Variants in SLC29A3 observed in about 807,000 individuals in gnomAD.
SLC29A3 encodes equilibrative nucleoside transporter 3.
Under a neutral mutation model 25.4 loss-of-function variants are expected in SLC29A3, and 18 were observed. The ratio of observed to expected loss-of-function variants is 0.71; its 90% confidence interval spans 0.49 to 1.05. The LOEUF (loss-of-function observed/expected upper bound fraction) is 1.05, where lower values mean the gene tolerates loss of function less well. SLC29A3 is among the 50% of genes least tolerant of loss of function. The pLI is 0.00. For synonymous variants in SLC29A3, 258 were observed against 267.1 expected, an observed-to-expected ratio of 0.97 and a Z score of 0.33; for missense variants, 586 against 609.0, an observed-to-expected ratio of 0.96 and a Z score of 0.40.
intron 3 of SLC29A3, 92 bp downstream of exon 3, chr10:71,344,383 C>A: frequency 1.0e-6 from 1 of 983,390 alleles, no homozygotes; most frequent in Non-Finnish European, 1.6e-6. Context: ...TTTCTGCCTA[C>A]TTAAGTGGTG....
chr10:71,334,835 A>G (rs1846203852), intron 2 of SLC29A3, among the ~76,000 whole-genome samples: 1 of 151,938 alleles, frequency 6.6e-6, no homozygotes, highest in South Asian at 2.1e-4. Context: ...CTCAGGGCCA[A>G]CCGTACGCTG....
rs753440225 is a variant in SLC29A3, at chr10:71,344,232, C to T, written c.324C>T (p.Ala108=). ...AGAACTACTTTGAGAGCTACCTTGC[C>T]GTTGCCTCCACCGTGCCCTCCATGC... ...DILNYFESYL[A]VASTVPSMLC... is the part of the protein sequence containing the mutation. The change falls in exon 3 of 6, where the codon GCC becomes GCT. Residue 108 remains alanine, a synonymous_variant. Transcript: ENST00000373189. 19 of 1,614,006 alleles carry T rather than the reference C, an allele frequency of 1.2e-5. No individual in the cohort carries two copies. The East Asian group carries it at 1.6e-4, about 13-fold the overall frequency.
intron 3 of SLC29A3, 93 bp downstream of exon 3, chr10:71,344,384 T>C (rs1256175791): frequency 5.1e-6 from 5 of 972,308 alleles, no homozygotes; most frequent in African/African-American, 4.8e-5. Flanking sequence ...TTCTGCCTAC[T>C]TAAGTGGTGG....
intron 5 of SLC29A3, 79 bp from the exon 6 acceptor site, chr10:71,361,875 T>C: frequency 6.4e-7 from 1 of 1,565,318 alleles, no homozygotes; most frequent in Non-Finnish European, 8.7e-7. Context: ...GAAGGTTCTG[T>C]TCTGAGTGCC....
chr10:71,373,712 C>T (rs1847228736), intron 3 of SLC29A3, among the ~76,000 whole-genome samples: 1 of 152,234 alleles, frequency 6.6e-6, no homozygotes, highest in Non-Finnish European at 1.5e-5. Context: ...CAGGAGCTCA[C>T]AGCCCTCTTC....
intron 2 of SLC29A3, among the ~76,000 whole-genome samples, chr10:71,343,701 A>G (rs1368761766): frequency 6.6e-6 from 1 of 152,186 alleles, no homozygotes; most frequent in African/African-American, 2.4e-5. Context: ...TAATACCAGC[A>G]CTTTGCGGGG....
chr10:71,366,719 C>T (rs1268906264), downstream of SLC29A3, among the ~76,000 whole-genome samples: 1 of 152,182 alleles, frequency 6.6e-6, no homozygotes, highest in East Asian at 1.9e-4. Flanking sequence ...ACTTCTGAGC[C>T]AGTGTCACGC....
At chr10:71,378,096 G>GGT in intron 4 of SLC29A3, among the ~76,000 whole-genome samples, 1 of 21,286 alleles carries the variant, frequency 4.7e-5, no homozygotes, top group African/African-American at 1.2e-4. Flanking sequence ...AGACAATGTT[G>GGT]GGGGGGGGGG....
At chr10:71,338,587 G>T (rs974789342) in intron 2 of SLC29A3, among the ~76,000 whole-genome samples, 1 of 151,970 alleles carries the variant, frequency 6.6e-6, no homozygotes, top group Non-Finnish European at 1.5e-5. Flanking sequence ...GTGAAACACT[G>T]TCTCTACTAA....
intron 2 of SLC29A3, among the ~76,000 whole-genome samples, chr10:71,327,361 G>A (rs1236768351): frequency 6.6e-6 from 1 of 152,168 alleles, no homozygotes; most frequent in African/African-American, 2.4e-5. Context: ...TATATCACAG[G>A]TGTATTGGCC....
In SLC29A3 at chr10:71,362,596, G is replaced by A. The variant is rs572730455; in HGVS notation, c.1416G>A (p.Val472=). The A allele has an allele frequency of 2.7e-5, 43 of 1,614,182 alleles. No homozygotes were observed. In the South Asian group the frequency reaches 4.4e-4, roughly 16 times the overall value. ...TLGSACSTLL[V]HLI ...GCTCAGCCTGCTCTACCCTCCTGGT[G>A]CACCTCATCTAGAAGGGAGGACACA... Residue 472 remains valine, a synonymous_variant, in exon 6 of 6, where the codon GTG becomes GTA. Transcript: ENST00000373189.
chr10:71,354,941 A>G (rs1351686710), intron 4 of SLC29A3, among the ~76,000 whole-genome samples: 1 of 152,216 alleles, frequency 6.6e-6, no homozygotes, highest in Non-Finnish European at 1.5e-5. Flanking sequence ...CAGTGTTCCC[A>G]AGCAATGCTG....
chr10:71,365,511 G>A (rs1847163378), downstream of SLC29A3: 1 of 152,378 alleles, frequency 6.6e-6, no homozygotes, highest in Non-Finnish European at 1.5e-5. Flanking sequence ...AGAGATGATA[G>A]ACTAAGTTGC....
intron 3 of SLC29A3, among the ~76,000 whole-genome samples, chr10:71,349,039 GT>G (rs1846674993): frequency 6.6e-6 from 1 of 152,130 alleles, no homozygotes; most frequent in Admixed American, 6.5e-5. Flanking sequence ...CTAGTCATTG[GT>G]TGAAGGCTGC....
At chr10:71,344,475 G>A (rs1021469480) in intron 3 of SLC29A3, among the ~76,000 whole-genome samples, 184 bp downstream of exon 3, 1 of 152,204 alleles carries the variant, frequency 6.6e-6, no homozygotes, top group South Asian at 2.1e-4. Context: ...TGCCCCCAGG[G>A]AGCTGGGCTG....
At chr10:71,338,911 A>G (rs1254485990) in intron 2 of SLC29A3, among the ~76,000 whole-genome samples, 2 of 152,228 alleles carry the variant, frequency 1.3e-5, no homozygotes, top group Non-Finnish European at 2.9e-5. Flanking sequence ...TGCCAGGCCC[A>G]GCATCTGAGG....
chr10:71,358,301 C>T (rs577673566), intron 5 of SLC29A3, among the ~76,000 whole-genome samples: 11 of 152,290 alleles, frequency 7.2e-5, no homozygotes, highest in Admixed American at 2.0e-4. Context: ...AGCAGAACAG[C>T]GATTCCCCCT....
chr10:71,359,612 A>G (rs1847004114), intron 5 of SLC29A3, among the ~76,000 whole-genome samples: 1 of 152,194 alleles, frequency 6.6e-6, no homozygotes, highest in Non-Finnish European at 1.5e-5. Context: ...GCCCTCCCAC[A>G]CACCCACTCA....
chr10:71,367,026 T>C (rs1387978683), downstream of SLC29A3, among the ~76,000 whole-genome samples: 2 of 152,146 alleles, frequency 1.3e-5, no homozygotes, highest in Non-Finnish European at 2.9e-5. Context: ...CACCATCAGG[T>C]AGAAGCTAGG....
Sources: gnomAD v4.1 joint callset for allele counts (sites outside exome capture counted in the v4.1 genomes callset) on GRCh38, gnomAD v4.1.1 for gene constraint, MANE v1.5 for transcripts, NCBI Gene and HGNC (gene_info 2026-07-23, HGNC 2026-07-21) for gene names.